NEK4: variants seen among roughly 807,000 people sequenced by gnomAD.
The protein encoded by NEK4 is NIMA related kinase 4, also known as serine/threonine-protein kinase Nek4.
Under a neutral mutation model 98.4 loss-of-function variants are expected in NEK4, and 86 were observed. The ratio of observed to expected loss-of-function variants is 0.87; its 90% CI spans 0.73 to 1.05. The LOEUF (loss-of-function observed/expected upper bound fraction) is 1.05. Among genes scored for constraint, NEK4 ranks in the 50% least tolerant of loss-of-function variants. The pLI, the probability that NEK4 is intolerant of heterozygous loss-of-function variation, is 0.00. For missense variants in NEK4, 898 were observed against 950.3 expected (o/e 0.94, Z 0.72); for synonymous variants, 328 against 342.2 (o/e 0.96, Z 0.46).
chr3:52,732,764 G>A (rs1271446815), intron 15 of NEK4: 2 of 268,988 alleles, frequency 7.4e-6, no homozygotes, highest in African/African-American at 2.3e-5. Flanking sequence ...GAGACAAAGC[G>A]AGAGCTCTGG....
At position 52,763,458 on chromosome 3, in the gene NEK4, G is replaced by T. The variant is rs1698431310; in HGVS notation, c.821+12C>A. The stretch of plus-strand genomic sequence containing the variant: ...CTATTTAGCCCAGCTATTTGCAAGG[G>T]AAGTATCTTACATCTTTGTGGCCTC... On this transcript the variant is annotated intron_variant, in intron 5 of 15. Transcript: ENST00000233027. The T allele has an allele frequency of 6.2e-7, 1 of 1,607,960 alleles. No homozygotes were observed. The highest frequency in any genetic ancestry group is 8.5e-7 in the Non-Finnish European group (1 of 1,176,654).
At chr3:52,717,091 T>G (rs985880573) in intron 15 of NEK4, among the ~76,000 whole-genome samples, 1 of 152,028 alleles carries the variant, frequency 6.6e-6, no homozygotes, top group Admixed American at 6.6e-5. Context: ...AGGTTCTACT[T>G]TGGGTACAGG....
At chr3:52,756,631 G>C (rs1336646636) in intron 6 of NEK4, among the ~76,000 whole-genome samples, 1 of 151,998 alleles carries the variant, frequency 6.6e-6, no homozygotes, top group Non-Finnish European at 1.5e-5. Context: ...CTAAATGTAA[G>C]ACCTAAAACT....
At chr3:52,737,805 T>A in intron 14 of NEK4, 86 bp from the exon 15 acceptor site, 3 of 932,714 alleles carry the variant, frequency 3.2e-6, no homozygotes, top group Non-Finnish European at 4.6e-6. Context: ...AATTTTGTAT[T>A]TTATTTTATT....
In NEK4 at chr3:52,770,861, C is replaced by A; in HGVS notation, c.-115G>T. On this transcript the variant is annotated 5_prime_UTR_variant, in exon 1 of 16. Coordinates refer to ENST00000233027, the MANE Select transcript of NEK4 (RefSeq NM_003157.6). ...GGGGCAGTGGGGGCGGCTGTTGAGG[C>A]AGCCGGGCCCGGGCGGGATTGCTGG... 4.4e-6 allele frequency: 4 copies of A among 900,896 alleles called. No homozygotes were observed. Among genetic ancestry groups the A allele is most frequent in the Non-Finnish European group, 6.9e-6 (4 of 580,822 alleles). 55.8% of individuals were successfully genotyped at this position (900,896 alleles called of 1,614,324 possible). A position where few individuals can be genotyped will look rare whatever the true frequency, so the allele number is the denominator to read the frequency against.
intron 15 of NEK4, among the ~76,000 whole-genome samples, chr3:52,716,767 T>C (rs1040311180): frequency 2.0e-5 from 3 of 152,246 alleles, no homozygotes; most frequent in Non-Finnish European, 4.4e-5. Context: ...ATTTTGTCTT[T>C]TGACAGAAGA....
In NEK4 at chr3:52,744,299, G is replaced by T. The variant is rs1255238589; in HGVS notation, c.1834C>A (p.Pro612Thr). ...CGCCTCCTCTCTCTGGCTGATAATG[G>T]TCGATCCTTTAAAAGAAAGTCACAG... The part of the protein sequence containing the change: ...SSEMSSSKDR[P>T]LSARERRRLK... Residue 612 changes from proline (P) to threonine (T), a missense_variant, in exon 11 of 16, where the codon CCA becomes ACA. Coordinates refer to ENST00000233027, the MANE Select transcript of NEK4 (RefSeq NM_003157.6). 1 of 1,613,130 alleles carries T rather than the reference G, an allele frequency of 6.2e-7. No individual in the cohort carries two copies. Among genetic ancestry groups the T allele is most frequent in the South Asian group, 1.1e-5 (1 of 91,054 alleles).
At position 52,731,233 on chromosome 3, in the gene NEK4, C is replaced by T. The variant is rs150969333; in HGVS notation, c.2433+6353G>A. Among the ~76,000 whole-genome samples the T allele has an allele frequency of 1.5e-3, 221 of 152,272 alleles. 1 individual carries two copies. The highest frequency in any genetic ancestry group is 4.9e-3 in the African/African-American group (204 of 41,560). ...AAGAGATCCAGAAATGATAGAGTTA[C>T]AACAACAAAATTTACAAACATACTT... is the stretch of plus-strand genomic sequence containing the variant. On this transcript the variant is annotated intron_variant, in intron 15 of 15. Transcript: ENST00000233027.
At chr3:52,714,602 G>A (rs1004988796) in intron 15 of NEK4, among the ~76,000 whole-genome samples, 3 of 152,202 alleles carry the variant, frequency 2.0e-5, no homozygotes, top group Admixed American at 6.5e-5. Flanking sequence ...CCCGCCCCTG[G>A]GAGCCCCGCC....
At chr3:52,726,827 C>G (rs1467597189) in intron 15 of NEK4, among the ~76,000 whole-genome samples, 1 of 152,060 alleles carries the variant, frequency 6.6e-6, no homozygotes, top group African/African-American at 2.4e-5. Flanking sequence ...CTGCTTGTAC[C>G]TGGGAGGCGG....
chr3:52,768,668 A>G, intron 1 of NEK4, 64 bp from the exon 2 acceptor site: 2 of 1,493,856 alleles, frequency 1.3e-6, no homozygotes, highest in East Asian at 2.3e-5. Flanking sequence ...CCTCAGAGTT[A>G]TCTAAGGGCT....
intron 15 of NEK4, among the ~76,000 whole-genome samples, chr3:52,726,920 G>GTAAACC (rs2097365135): frequency 1.3e-5 from 2 of 151,588 alleles, no homozygotes; most frequent in African/African-American, 2.4e-5. Context: ...ATAAATAAGA[G>GTAAACC]GACTTGAACA....
intron 15 of NEK4, 189 bp downstream of exon 15, chr3:52,737,397 C>T (rs1478360578): frequency 5.5e-6 from 3 of 543,520 alleles, no homozygotes; most frequent in African/African-American, 3.8e-5. Flanking sequence ...AGGTGCAGGG[C>T]TTCTTGGGGC....
chr3:52,758,728 T>A (rs1377862000), intron 6 of NEK4, among the ~76,000 whole-genome samples: 2 of 152,082 alleles, frequency 1.3e-5, no homozygotes, highest in Non-Finnish European at 2.9e-5. Flanking sequence ...GCAAGTTGTC[T>A]ATCTGACAAG....
chr3:52,711,655 GAT>G lies in NEK4; in HGVS notation c.*120_*121del. ...CTTTTCTGTAGGGAAACGCCAAAGAGATATAAAAAAGAGATATAAAACAGTGG... is the reference window on the plus strand; with the variant it reads ...CTTTTCTGTAGGGAAACGCCAAAGAGATAAAAAAGAGATATAAAACAGTGG... On this transcript the variant is annotated 3_prime_UTR_variant, in exon 16 of 16. Coordinates refer to ENST00000233027, the MANE Select transcript of NEK4 (RefSeq NM_003157.6). The G allele has an allele frequency of 3.1e-6, 2 of 649,680 alleles. No individual in the cohort carries two copies. Among genetic ancestry groups the G allele is most frequent in the Non-Finnish European group, 2.8e-6 (1 of 359,012 alleles). 40.2% of individuals were successfully genotyped at this position (649,680 alleles called of 1,614,324 possible).
chr3:52,764,268 A>G (rs1415757349), intron 4 of NEK4, among the ~76,000 whole-genome samples: 5 of 149,744 alleles, frequency 3.3e-5, no homozygotes, highest in Non-Finnish European at 5.9e-5. Context: ...GCCTGGCAAC[A>G]GAGCGAGACT....
intron 15 of NEK4, among the ~76,000 whole-genome samples, chr3:52,724,087 G>A (rs973483387): frequency 2.6e-5 from 4 of 152,006 alleles, no homozygotes; most frequent in African/African-American, 9.7e-5. Flanking sequence ...ACTAAAATTA[G>A]CCCCATGTGA....
At chr3:52,742,642 C>T (rs2097388432) in intron 12 of NEK4, among the ~76,000 whole-genome samples, 2 of 152,108 alleles carry the variant, frequency 1.3e-5, no homozygotes, top group African/African-American at 4.8e-5. Flanking sequence ...AGAAGGTAAA[C>T]TACATTGACA....
chr3:52,729,383 G>A (rs962121307), intron 15 of NEK4, among the ~76,000 whole-genome samples: 2 of 151,976 alleles, frequency 1.3e-5, no homozygotes, highest in South Asian at 2.1e-4. Context: ...CAGCCTGGGG[G>A]ATGGAGCGAA....
Sources: allele counts gnomAD v4.1 joint callset (sites outside exome capture counted in the v4.1 genomes callset), GRCh38; gene constraint gnomAD v4.1.1; transcripts MANE v1.5; gene names NCBI Gene and HGNC (gene_info 2026-07-23, HGNC 2026-07-21).